Variants in CFAP299 observed in about 807,000 individuals in gnomAD.
The protein encoded by CFAP299 is cilia and flagella associated protein 299, also known as cilia- and flagella-associated protein 299.
CFAP299 carries 21 observed loss-of-function variants against 27.0 expected under a neutral mutation model. The ratio of observed to expected loss-of-function variants is 0.78; its 90% CI spans 0.55 to 1.12. The LOEUF is 1.12. CFAP299 is among the 50% of genes most tolerant of loss of function. The pLI is 0.00. For missense variants in CFAP299, 310 were observed against 276.6 expected (o/e 1.12, Z -0.86); for synonymous variants, 104 against 98.1 (o/e 1.06, Z -0.36).
intron 3 of CFAP299, among the ~76,000 whole-genome samples, chr4:80,854,811 A>G (rs1374075142): frequency 1.6e-5 from 1 of 60,974 alleles, no homozygotes. Context: ...TGTTGCTATG[A>G]AAAAAAAAAA....
chr4:80,953,195 G>A (rs899714584), intron 5 of CFAP299, among the ~76,000 whole-genome samples: 6 of 152,184 alleles, frequency 3.9e-5, no homozygotes, highest in African/African-American at 1.4e-4. Context: ...TTGGGCCAGT[G>A]GGGCAGGGGA....
chr4:80,790,929 ACATTTAT>A (rs1303960415), intron 3 of CFAP299, among the ~76,000 whole-genome samples: 2 of 152,106 alleles, frequency 1.3e-5, no homozygotes, highest in African/African-American at 2.4e-5. Context: ...TCTAATGGGG[ACATTTAT>A]CAATTTATTT....
At chr4:80,454,678 A>C (rs887359091) in intron 2 of CFAP299, among the ~76,000 whole-genome samples, 2 of 152,228 alleles carry the variant, frequency 1.3e-5, no homozygotes, top group African/African-American at 4.8e-5. Context: ...CACAGGTGTA[A>C]CCACTCAGCA....
chr4:80,781,496 G>A (rs1216595844), intron 3 of CFAP299, among the ~76,000 whole-genome samples: 2 of 152,000 alleles, frequency 1.3e-5, no homozygotes, highest in African/African-American at 4.8e-5. Context: ...AAAAGCAGAA[G>A]GGATAGCCAA....
chr4:80,480,423 A>G (rs1303451746), intron 2 of CFAP299, among the ~76,000 whole-genome samples: 1 of 152,022 alleles, frequency 6.6e-6, no homozygotes, highest in Non-Finnish European at 1.5e-5. Flanking sequence ...TTGTTTGATT[A>G]CAGTTATACA....
At chr4:80,479,026 T>C (rs1007718781) in intron 2 of CFAP299, among the ~76,000 whole-genome samples, 6 of 151,934 alleles carry the variant, frequency 3.9e-5, no homozygotes. Context: ...ATTAATTCCG[T>C]AAGAATTATC....
At chr4:80,610,008 T>C (rs192996031) in intron 3 of CFAP299, among the ~76,000 whole-genome samples, 169 of 152,218 alleles carry the variant, frequency 1.1e-3, no homozygotes, top group Non-Finnish European at 1.8e-3. Context: ...CACAGGATGT[T>C]TTTAAAGACT....
intron 2 of CFAP299, among the ~76,000 whole-genome samples, chr4:80,409,558 A>G (rs910480279): frequency 8.5e-5 from 13 of 152,338 alleles, no homozygotes; most frequent in African/African-American, 2.9e-4. Flanking sequence ...TATCATGAAG[A>G]AAACATGTTT....
At chr4:80,466,303 T>G (rs990875712) in intron 2 of CFAP299, among the ~76,000 whole-genome samples, 1 of 152,150 alleles carries the variant, frequency 6.6e-6, no homozygotes, top group African/African-American at 2.4e-5. Flanking sequence ...AAAGGAAATA[T>G]AAGTCATGGA....
At position 80,736,397 on chromosome 4, in the gene CFAP299, T is replaced by C. The variant is rs185036021; in HGVS notation, c.334-133596T>C. Among the ~76,000 whole-genome samples the C allele has an allele frequency of 8.3e-4, 127 of 152,184 alleles. 1 individual carries two copies. Among genetic ancestry groups the C allele is most frequent in the African/African-American group, 3.0e-3 (123 of 41,542 alleles). On this transcript the variant is annotated intron_variant, in intron 3 of 5. Transcript: ENST00000358105. ...GTCAAAGATCAGATAGTTGTAGATA[T>C]TTTCGCAACCTACTCATCTGACAAA... is the stretch of plus-strand genomic sequence containing the variant.
intron 3 of CFAP299, among the ~76,000 whole-genome samples, chr4:80,840,905 G>C (rs1730826720): frequency 6.6e-6 from 1 of 151,998 alleles, no homozygotes; most frequent in Non-Finnish European, 1.5e-5. Context: ...TAGTCACAAA[G>C]AGCTTAAGTT....
At position 80,577,550 on chromosome 4, in the gene CFAP299, A is replaced by T. The variant is rs149222515; in HGVS notation, c.243-5543A>T. Among the ~76,000 whole-genome samples the T allele has an allele frequency of 5.1e-3, 771 of 151,902 alleles. 5 individuals carry two copies. Among genetic ancestry groups the T allele is most frequent in the Middle Eastern group, 0.021 (6 of 292 alleles). On this transcript the variant is annotated intron_variant, in intron 2 of 5. Transcript: ENST00000358105. ...CCAGAGTACCTGGGACTATAGGTGC[A>T]TGCCACCACCGCCAGCTAATTTTTG...
At chr4:80,405,392 T>C (rs1726365143) in intron 2 of CFAP299, among the ~76,000 whole-genome samples, 1 of 152,200 alleles carries the variant, frequency 6.6e-6, no homozygotes, top group South Asian at 2.1e-4. Context: ...TGCAGGAATG[T>C]TGTATGCTTT....
rs867988492 is a variant in CFAP299 at position 80,886,641 on chromosome 4, A to G, written c.476+16506A>G. ...AACAAGCCCAGACTATGAAGACAAC[A>G]ATAAATAATTAACTCATCAATGCCA... On this transcript the variant is annotated intron_variant, in intron 4 of 5. Transcript: ENST00000358105. Among the ~76,000 whole-genome samples, 18 of 152,258 alleles carry G rather than the reference A, an allele frequency of 1.2e-4. 1 individual carries two copies. Among genetic ancestry groups the G allele is most frequent in the Admixed American group, 2.6e-4 (4 of 15,300 alleles).
At chr4:80,632,933 G>A (rs1739285816) in intron 3 of CFAP299, among the ~76,000 whole-genome samples, 1 of 151,998 alleles carries the variant, frequency 6.6e-6, no homozygotes, top group Non-Finnish European at 1.5e-5. Context: ...TTATCATCCT[G>A]AAAATGCATA....
chr4:80,432,097 C>A (rs1727844866), intron 2 of CFAP299, among the ~76,000 whole-genome samples: 1 of 152,224 alleles, frequency 6.6e-6, no homozygotes, highest in Admixed American at 6.5e-5. Flanking sequence ...AAAAGAAAAT[C>A]AAAATGGAAA....
intron 3 of CFAP299, among the ~76,000 whole-genome samples, chr4:80,670,976 A>G (rs1291974332): frequency 6.6e-6 from 1 of 152,250 alleles, no homozygotes; most frequent in Non-Finnish European, 1.5e-5. Context: ...TTTGCTGAGC[A>G]GAAGCTCTTT....
At chr4:80,701,110 A>G (rs1204747438) in intron 3 of CFAP299, among the ~76,000 whole-genome samples, 1 of 152,070 alleles carries the variant, frequency 6.6e-6, no homozygotes, top group Non-Finnish European at 1.5e-5. Context: ...TTTGCCTTCC[A>G]TACTTTGAAT....
At chr4:80,690,418 C>G (rs1319627871) in intron 3 of CFAP299, among the ~76,000 whole-genome samples, 2 of 152,164 alleles carry the variant, frequency 1.3e-5, no homozygotes, top group Non-Finnish European at 2.9e-5. Context: ...TATAGGGAAA[C>G]TGAACAACCT....
Sources: allele counts gnomAD v4.1 joint callset (sites outside exome capture counted in the v4.1 genomes callset), GRCh38; gene constraint gnomAD v4.1.1; transcripts MANE v1.5; gene names NCBI Gene and HGNC (gene_info 2026-07-23, HGNC 2026-07-21).